Variants in SLCO3A1 observed in about 807,000 individuals in gnomAD.
SLCO3A1 encodes solute carrier organic anion transporter family member 3A1.
Under a neutral mutation model 63.1 loss-of-function variants are expected in SLCO3A1, and 27 were observed. That is an observed-to-expected ratio of 0.43 (90% CI 0.32 to 0.59). The LOEUF (loss-of-function observed/expected upper bound fraction) is 0.59. Ranked by LOEUF, SLCO3A1 falls within the 20% of genes least tolerant of loss-of-function variation. SLCO3A1 has a pLI of 0.09. For missense variants in SLCO3A1, 773 were observed against 945.8 expected (o/e 0.82, Z 2.40); for synonymous variants, 473 against 409.9 (o/e 1.15, Z -1.86).
chr15:91,871,599 T>C (rs139849472), intron 1 of SLCO3A1, among the ~76,000 whole-genome samples: 5 of 152,302 alleles, frequency 3.3e-5, no homozygotes, highest in African/African-American at 1.2e-4. Flanking sequence ...TGTGGTGATA[T>C]TGATGAAAAC....
At chr15:91,934,859 T>C (rs1014097086) in intron 2 of SLCO3A1, among the ~76,000 whole-genome samples, 3 of 152,252 alleles carry the variant, frequency 2.0e-5, no homozygotes, top group Admixed American at 2.0e-4. Context: ...CTGCCCTTCC[T>C]AACTAAGGCC....
At chr15:91,931,817 A>ACACACACACACG in intron 2 of SLCO3A1, among the ~76,000 whole-genome samples, 1 of 151,710 alleles carries the variant, frequency 6.6e-6, no homozygotes, top group African/African-American at 2.4e-5. Flanking sequence ...ACACACACAC[A>ACACACACACACG]CACACTCACA....
chr15:92,159,410 A>G (rs1211425560), intron 9 of SLCO3A1, among the ~76,000 whole-genome samples: 1 of 152,040 alleles, frequency 6.6e-6, no homozygotes, highest in Middle Eastern at 3.2e-3. Flanking sequence ...ACTTGAGCCC[A>G]GGAGGCGGAG....
At chr15:92,035,310 A>G (rs2046711361) in intron 2 of SLCO3A1, among the ~76,000 whole-genome samples, 2 of 151,830 alleles carry the variant, frequency 1.3e-5, no homozygotes, top group South Asian at 4.2e-4. Flanking sequence ...AACTTTGCCA[A>G]TGGGAAACAT....
At chr15:91,910,946 G>A (rs1434899690) in intron 1 of SLCO3A1, among the ~76,000 whole-genome samples, 1 of 152,188 alleles carries the variant, frequency 6.6e-6, no homozygotes, top group African/African-American at 2.4e-5. Flanking sequence ...CCCCTGAGTT[G>A]CTGCTGCCTG....
downstream of SLCO3A1, among the ~76,000 whole-genome samples, chr15:92,167,777 C>T (rs1332865078): frequency 6.6e-6 from 1 of 152,128 alleles, no homozygotes; most frequent in African/African-American, 2.4e-5. Context: ...CTTCAGCAAC[C>T]CAGAATGCTT....
intron 2 of SLCO3A1, among the ~76,000 whole-genome samples, chr15:91,987,313 A>G (rs146332161): frequency 1.6e-3 from 240 of 152,304 alleles, no homozygotes; most frequent in African/African-American, 5.6e-3. Context: ...TAACTTGTTT[A>G]TTCAACACGT....
In SLCO3A1 at chr15:91,857,512, A is replaced by AC. The variant is rs1311465089; in HGVS notation, c.180+3424_180+3425insC. On this transcript the variant is annotated intron_variant, in intron 1 of 9. Transcript: ENST00000318445. ...CATTTTGTATGGAACAGAGAATGCA[A>AC]TTTAATTTTCTTCTACTTGGGTTTT... 3.7e-3 allele frequency among the ~76,000 whole-genome samples: 571 copies of AC among 152,314 alleles called. 4 individuals are homozygous for AC. Among genetic ancestry groups the AC allele is most frequent in the African/African-American group, 0.013 (550 of 41,572 alleles).
intron 6 of SLCO3A1, among the ~76,000 whole-genome samples, chr15:92,127,130 T>A (rs2047934091): frequency 6.6e-6 from 1 of 152,212 alleles, no homozygotes; most frequent in Non-Finnish European, 1.5e-5. Flanking sequence ...CCAGGCACCA[T>A]GTGCCCCTCC....
chr15:91,932,383 AC>A (rs1325561549), intron 2 of SLCO3A1, among the ~76,000 whole-genome samples: 1 of 151,506 alleles, frequency 6.6e-6, no homozygotes, highest in Non-Finnish European at 1.5e-5. Context: ...TTTTATCTCT[AC>A]CCCTACCTGG....
chr15:92,110,718 CA>C (rs1167144711), intron 4 of SLCO3A1, among the ~76,000 whole-genome samples: 2 of 131,320 alleles, frequency 1.5e-5, no homozygotes, highest in East Asian at 5.2e-4. Context: ...TTCATGAAGG[CA>C]GGGACTGCAG....
intron 2 of SLCO3A1, among the ~76,000 whole-genome samples, chr15:91,930,346 C>T (rs1899935264): frequency 6.6e-6 from 1 of 152,154 alleles, no homozygotes; most frequent in Admixed American, 6.5e-5. Flanking sequence ...TTCACATTGC[C>T]ACTGTTCCAA....
intron 2 of SLCO3A1, among the ~76,000 whole-genome samples, chr15:91,987,044 G>A (rs553694764): frequency 3.9e-5 from 6 of 152,086 alleles, no homozygotes; most frequent in Admixed American, 3.9e-4. Flanking sequence ...TCATCTTTGG[G>A]GCTTCACAGC....
At chr15:91,896,019 T>A (rs1180069032) in intron 1 of SLCO3A1, among the ~76,000 whole-genome samples, 1 of 152,242 alleles carries the variant, frequency 6.6e-6, no homozygotes, top group Non-Finnish European at 1.5e-5. Context: ...TTTGTCATTT[T>A]GCTCCTCTAA....
chr15:92,000,424 G>T (rs901780701), intron 2 of SLCO3A1, among the ~76,000 whole-genome samples: 2 of 151,690 alleles, frequency 1.3e-5, no homozygotes, highest in Non-Finnish European at 2.9e-5. Context: ...AAAGAATCTG[G>T]GGAGTGACTG....
intron 7 of SLCO3A1, among the ~76,000 whole-genome samples, chr15:92,143,135 A>G (rs545347372): frequency 3.4e-4 from 51 of 150,248 alleles, no homozygotes; most frequent in Non-Finnish European, 6.2e-4. Flanking sequence ...TACTTAGCCA[A>G]ACAAGACCAC....
chr15:92,091,096 G>A (rs950386069), intron 2 of SLCO3A1, among the ~76,000 whole-genome samples: 2 of 152,170 alleles, frequency 1.3e-5, no homozygotes, highest in East Asian at 1.9e-4. Flanking sequence ...TTCTAGCAAC[G>A]TGCTGGGGCC....
intron 1 of SLCO3A1, among the ~76,000 whole-genome samples, chr15:91,896,998 T>A (rs1339492619): frequency 1.3e-5 from 2 of 152,212 alleles, no homozygotes; most frequent in African/African-American, 4.8e-5. Context: ...CTTGTAGCTC[T>A]GTGATTTTAG....
At position 91,966,493 on chromosome 15, in the gene SLCO3A1, A is replaced by C. The variant is rs767353916; in HGVS notation, c.646+50035A>C. 2.0e-5 allele frequency among the ~76,000 whole-genome samples: 3 copies of C among 152,236 alleles called. 1 individual carries two copies. In the South Asian group the frequency reaches 6.2e-4, roughly 31 times the overall value. On this transcript the variant is annotated intron_variant, in intron 2 of 9. Transcript: ENST00000318445. Reference sequence around the variant, plus strand: ...TGCAACATCACTGTCCCCAGGGTACATGGGACAGAAAAATCCCTGTTAGAA... The same window carrying C: ...TGCAACATCACTGTCCCCAGGGTACCTGGGACAGAAAAATCCCTGTTAGAA...
Sources: allele counts gnomAD v4.1 joint callset (sites outside exome capture counted in the v4.1 genomes callset), GRCh38; gene constraint gnomAD v4.1.1; transcripts MANE v1.5; gene names NCBI Gene and HGNC (gene_info 2026-07-23, HGNC 2026-07-21).